PTPRO: variants seen among roughly 807,000 people sequenced by gnomAD.
PTPRO encodes receptor-type tyrosine-protein phosphatase O.
A neutral mutation model predicts 145.2 loss-of-function variants in PTPRO; 62 were observed. The observed-to-expected ratio is 0.43, with a 90% CI of 0.35 to 0.53. The LOEUF (loss-of-function observed/expected upper bound fraction) is 0.53. Ranked by LOEUF, PTPRO falls within the 20% of genes least tolerant of loss-of-function variation. PTPRO has a pLI of 0.01. For synonymous variants in PTPRO, 565 were observed against 514.7 expected (o/e 1.10, Z -1.32); for missense variants, 1,345 against 1,482.7 (o/e 0.91, Z 1.53).
chr12:15,446,768 T>A (rs1714632718), intron 1 of PTPRO, among the ~76,000 whole-genome samples: 2 of 151,030 alleles, frequency 1.3e-5, no homozygotes, highest in South Asian at 2.1e-4. Flanking sequence ...TTAATTTTTT[T>A]ATTTATTAAA....
chr12:15,471,249 G>T (rs192642147), intron 1 of PTPRO, among the ~76,000 whole-genome samples: 2 of 152,038 alleles, frequency 1.3e-5, no homozygotes, highest in African/African-American at 2.4e-5. Context: ...ATTTGGTGTC[G>T]CATGCCTGTG....
intron 1 of PTPRO, among the ~76,000 whole-genome samples, chr12:15,392,621 T>A (rs1309290771): frequency 6.8e-6 from 1 of 147,678 alleles, no homozygotes; most frequent in African/African-American, 2.5e-5. Context: ...CTTGGGAGGC[T>A]GAGGTGGGAG....
chr12:15,506,927 G>C (rs1355433992), intron 6 of PTPRO, among the ~76,000 whole-genome samples: 1 of 152,126 alleles, frequency 6.6e-6, no homozygotes, highest in African/African-American at 2.4e-5. Flanking sequence ...CTGAGTCTTA[G>C]TGCAATTATC....
chr12:15,460,831 A>T (rs1941284164), intron 1 of PTPRO, among the ~76,000 whole-genome samples: 1 of 152,168 alleles, frequency 6.6e-6, no homozygotes, highest in Non-Finnish European at 1.5e-5. Context: ...GTATATTAAG[A>T]AGTTGGCATA....
At chr12:15,388,926 A>G (rs976663310) in intron 1 of PTPRO, among the ~76,000 whole-genome samples, 3 of 152,002 alleles carry the variant, frequency 2.0e-5, no homozygotes, top group Non-Finnish European at 4.4e-5. Flanking sequence ...CATTCTAGAA[A>G]AAAAAAATCT....
Position 15,596,559 on chromosome 12 carries a change from A to T in PTPRO, c.*486A>T, listed in dbSNP as rs1168758319. ...TTATACCTCATTATTAAAAGGAGGC[A>T]TGGCCACACATGAAGAAATGGTCAT... is the stretch of plus-strand genomic sequence containing the variant. On this transcript the variant is annotated 3_prime_UTR_variant, in exon 27 of 27. Transcript: ENST00000281171. The T allele has an allele frequency of 6.6e-6, 1 of 152,658 alleles. No individual in the cohort carries two copies. The highest frequency in any genetic ancestry group is 1.5e-5 in the Non-Finnish European group (1 of 68,050). The allele number at this position is 152,658 out of a possible 1,614,324, so 9.5% of individuals were successfully genotyped here.
At chr12:15,334,451 C>A (rs949668246) in intron 1 of PTPRO, among the ~76,000 whole-genome samples, 1 of 152,050 alleles carries the variant, frequency 6.6e-6, no homozygotes, top group African/African-American at 2.4e-5. Context: ...GACCAAAAAC[C>A]TGAATTGTCC....
intron 23 of PTPRO, 47 bp from the exon 24 acceptor site, chr12:15,586,850 C>T: frequency 6.2e-7 from 1 of 1,610,364 alleles, no homozygotes; most frequent in South Asian, 1.1e-5. Context: ...GTCATCCTAA[C>T]AGTGAACTGA....
intron 1 of PTPRO, among the ~76,000 whole-genome samples, chr12:15,471,627 A>T (rs1941544666): frequency 6.6e-6 from 1 of 152,114 alleles, no homozygotes; most frequent in African/African-American, 2.4e-5. Flanking sequence ...TATTATCATC[A>T]TTGCTATTAT....
chr12:15,436,814 C>G (rs1305228273), intron 1 of PTPRO, among the ~76,000 whole-genome samples: 2 of 152,306 alleles, frequency 1.3e-5, no homozygotes, highest in East Asian at 3.9e-4. Flanking sequence ...ACAGCCAGAA[C>G]TGTAAAAAAG....
chr12:15,360,748 G>A (rs1416778874), intron 1 of PTPRO, among the ~76,000 whole-genome samples: 1 of 144,408 alleles, frequency 6.9e-6, no homozygotes, highest in Non-Finnish European at 1.5e-5. Context: ...CACACACTAT[G>A]TGTGTGTATA....
rs1182541724 is a variant in PTPRO at position 15,548,047 on chromosome 12, A to G, written c.2305-1047A>G. Among the ~76,000 whole-genome samples, 4 of 152,156 alleles carry G rather than the reference A, an allele frequency of 2.6e-5. No homozygotes were observed. The East Asian group carries it at 7.7e-4, about 29-fold the overall frequency. ...GCCATGTTTTAGTGGATGTTATATA[A>G]AAGCTAAGAATGCAGACAAAGGTGT... On this transcript the variant is annotated intron_variant, in intron 13 of 26. Coordinates refer to ENST00000281171, the MANE Select transcript of PTPRO (RefSeq NM_030667.3).
At chr12:15,495,773 G>C (rs567843054) in intron 2 of PTPRO, among the ~76,000 whole-genome samples, 1 of 152,108 alleles carries the variant, frequency 6.6e-6, no homozygotes, top group African/African-American at 2.4e-5. Context: ...TATAAGGATG[G>C]CACCTGGTTA....
At chr12:15,500,172 A>G (rs1942191280) in intron 4 of PTPRO, among the ~76,000 whole-genome samples, 1 of 152,110 alleles carries the variant, frequency 6.6e-6, no homozygotes, top group African/African-American at 2.4e-5. Context: ...CCCATCACCA[A>G]TATAAGCAAA....
At chr12:15,431,066 G>A (rs1007216793) in intron 1 of PTPRO, among the ~76,000 whole-genome samples, 46 of 152,138 alleles carry the variant, frequency 3.0e-4, no homozygotes, top group Non-Finnish European at 4.1e-4. Flanking sequence ...AGTCACTCAG[G>A]GGACAGAATG....
At chr12:15,448,152 C>A (rs1276342787) in intron 1 of PTPRO, among the ~76,000 whole-genome samples, 2 of 151,704 alleles carry the variant, frequency 1.3e-5, no homozygotes, top group African/African-American at 4.8e-5. Flanking sequence ...TATAAGATAT[C>A]AAAATGCCAA....
At chr12:15,407,522 T>A (rs1272722308) in intron 1 of PTPRO, among the ~76,000 whole-genome samples, 1 of 152,192 alleles carries the variant, frequency 6.6e-6, no homozygotes, top group Non-Finnish European at 1.5e-5. Flanking sequence ...TTCCTTCAGG[T>A]ACTTTACCAT....
chr12:15,567,755 T>C (rs1352615646), intron 18 of PTPRO, among the ~76,000 whole-genome samples: 1 of 152,066 alleles, frequency 6.6e-6, no homozygotes, highest in African/African-American at 2.4e-5. Context: ...AAGTTTGAAG[T>C]GGGAAAAGCT....
intron 1 of PTPRO, among the ~76,000 whole-genome samples, chr12:15,408,823 C>G (rs377231262): frequency 1.1e-4 from 17 of 152,018 alleles, no homozygotes; most frequent in African/African-American, 3.6e-4. Flanking sequence ...TATATAACAC[C>G]GTTAGCTTCT....
Sources: allele counts gnomAD v4.1 joint callset (sites outside exome capture counted in the v4.1 genomes callset), GRCh38; gene constraint gnomAD v4.1.1; transcripts MANE v1.5; gene names NCBI Gene and HGNC (gene_info 2026-07-23, HGNC 2026-07-21).